ERBB3: variants seen among roughly 807,000 people sequenced by gnomAD.
ERBB3 encodes erb-b2 receptor tyrosine kinase 3.
ERBB3 carries 96 observed loss-of-function variants against 156.7 expected under a neutral mutation model. That is an observed-to-expected ratio of 0.61 (90% confidence interval 0.52 to 0.73). The LOEUF (loss-of-function observed/expected upper bound fraction) is 0.73, where lower values mean the gene tolerates loss of function less well. Ranked by LOEUF, ERBB3 falls within the 30% of genes least tolerant of loss-of-function variation. The probability of loss-of-function intolerance (pLI) is 0.00; values close to 1 mark genes in which losing one functional copy is unlikely to be tolerated. For synonymous variants in ERBB3, 567 were observed against 632.0 expected, an observed-to-expected ratio of 0.90 and a Z score of 1.54; for missense variants, 1,406 against 1,709.4, an observed-to-expected ratio of 0.82 and a Z score of 3.13.
intron 11 of ERBB3, 132 bp from the exon 12 acceptor site, chr12:56,093,213 A>G: frequency 8.8e-7 from 1 of 1,141,298 alleles, no homozygotes. Context: ...CACGAGGAAA[A>G]GGCAAAAGGA....
intron 19 of ERBB3, 82 bp from the exon 20 acceptor site, chr12:56,096,963 G>A (rs186183394): frequency 2.1e-5 from 30 of 1,441,016 alleles, no homozygotes; most frequent in South Asian, 4.6e-5. Context: ...TGTTGGGGGT[G>A]GGGGGGCCTG....
At chr12:56,087,447 G>A in intron 4 of ERBB3, 130 bp from the exon 5 acceptor site, 1 of 836,410 alleles carries the variant, frequency 1.2e-6, no homozygotes, top group Non-Finnish European at 2.1e-6. Context: ...TCCAAGGGCA[G>A]GGAGGGACAC....
At chr12:56,094,046 A>G in intron 13 of ERBB3, 53 bp from the exon 14 acceptor site, 9 of 1,568,524 alleles carry the variant, frequency 5.7e-6, no homozygotes, top group Non-Finnish European at 7.9e-6. Context: ...AGATCGGAGC[A>G]TGAAGGTCAG....
intron 1 of ERBB3, among the ~76,000 whole-genome samples, chr12:56,082,404 C>T (rs1161050897): frequency 3.3e-5 from 5 of 152,132 alleles, no homozygotes; most frequent in African/African-American, 1.2e-4. Context: ...TCATTTCAAC[C>T]CAAGGACCCT....
chr12:56,100,246 GTAA>G lies in ERBB3; in HGVS notation c.3201+2_3201+4del. 1 of 1,612,268 alleles carries G rather than the reference GTAA, an allele frequency of 6.2e-7. No homozygotes were observed. On this transcript the variant is annotated splice_donor_variant and splice_donor_region_variant and intron_variant, in intron 26 of 27. Transcript: ENST00000267101. LOFTEE classifies it high-confidence loss of function. The stretch of plus-strand genomic sequence containing the variant: ...GGGTAATCTTGGGGAGTCTTGCCAG[GTAA>G]GTTCTGTTGCTGAGAGGCTGGGTTT...
At position 56,097,225 on chromosome 12, in the gene ERBB3, G is replaced by A. The variant is rs1351237064; in HGVS notation, c.2455G>A (p.Ala819Thr). The A allele has an allele frequency of 1.2e-6, 2 of 1,614,020 alleles. No individual in the cohort carries two copies. The highest frequency in any genetic ancestry group is 2.2e-5 in the East Asian group (1 of 44,874). Residue 819 changes from alanine (A) to threonine (T), a missense_variant, in exon 20 of 28, where the codon GCC becomes ACC. This residue lies in a region of ERBB3 where 979 missense variants were observed against 1,219.6 expected (regional missense o/e 0.80). Transcript: ENST00000267101. ...QLLLNWGVQI[A>T]KGMYYLEEHG... ...GCTGCTCAACTGGGGAGTACAAATT[G>A]CCAAGGTGAGAGAAGCCTGGAGGAA...
rs368317187 is a variant in ERBB3, at chr12:56,099,948, A to G, written c.3048A>G (p.Glu1016=). The change falls in exon 25 of 28, where the codon GAA becomes GAG. Residue 1016 remains glutamate, a synonymous_variant. Coordinates refer to ENST00000267101, the MANE Select transcript of ERBB3 (RefSeq NM_001982.4). The part of the protein sequence containing the change: ...EPELDLDLDL[E]AEEDNLATTT... ...AACTAGACCTAGACCTAGACTTGGA[A>G]GCAGAGGAGGACAACCTGGCAACCA... The G allele has an allele frequency of 1.2e-6, 2 of 1,614,256 alleles. No homozygotes were observed. Among genetic ancestry groups the G allele is most frequent in the South Asian group, 2.2e-5 (2 of 91,088 alleles).
Position 56,102,110 on chromosome 12 carries a change from G to A in ERBB3, c.*55G>A, listed in dbSNP as rs1159023849. 1.3e-6 allele frequency: 2 copies of A among 1,498,946 alleles called. No individual in the cohort carries two copies. The highest frequency in any genetic ancestry group is 1.7e-5 in the Admixed American group (1 of 59,850). The allele number at this position is 1,498,946 out of a possible 1,614,324, so 92.9% of individuals were successfully genotyped here. A position where few individuals can be genotyped will look rare whatever the true frequency, so the allele number is the denominator to read the frequency against. ...TTTAATGGCAGCTAGTGCCTTTAGA[G>A]GGTACCGTCTTCTCCCTATTCCCTC... On this transcript the variant is annotated 3_prime_UTR_variant, in exon 28 of 28. Transcript: ENST00000267101.
chr12:56,092,020 G>A (rs1048159395), intron 9 of ERBB3, among the ~76,000 whole-genome samples: 2 of 149,980 alleles, frequency 1.3e-5, no homozygotes, highest in African/African-American at 4.9e-5. Context: ...GTTACAGTGA[G>A]CTATGATGGC....
chr12:56,086,360 ACTC>A (rs1430177799), intron 3 of ERBB3, among the ~76,000 whole-genome samples, 168 bp from the exon 4 acceptor site: 1 of 151,474 alleles, frequency 6.6e-6, no homozygotes, highest in African/African-American at 2.4e-5. Flanking sequence ...TTTTGGCCTG[ACTC>A]CTCATCTTAT....
Position 56,080,208 on chromosome 12 carries a change from T to C in ERBB3, c.-93T>C. ...TGCCGTCGCCGCAGCAGCCACCAAT[T>C]CGCCAGCGGTTCAGGTGGCTCTTGC... On this transcript the variant is annotated 5_prime_UTR_variant, in exon 1 of 28. Coordinates refer to ENST00000267101, the MANE Select transcript of ERBB3 (RefSeq NM_001982.4). 1 of 1,016,284 alleles carries C rather than the reference T, an allele frequency of 9.8e-7. No homozygotes were observed. The highest frequency in any genetic ancestry group is 1.4e-5 in the South Asian group (1 of 73,666). 63.0% of individuals were successfully genotyped at this position (1,016,284 alleles called of 1,614,324 possible). A position where few individuals can be genotyped will look rare whatever the true frequency, so the allele number is the denominator to read the frequency against.
intron 9 of ERBB3, 35 bp downstream of exon 9, chr12:56,088,903 C>G (rs761520381): frequency 1.2e-6 from 2 of 1,613,434 alleles, no homozygotes; most frequent in South Asian, 2.2e-5. Context: ...TAGACCCCAG[C>G]CCACGCACCC....
At chr12:56,088,226 G>C in intron 7 of ERBB3, 64 bp downstream of exon 7, 2 of 1,567,570 alleles carry the variant, frequency 1.3e-6, no homozygotes, top group South Asian at 2.2e-5. Flanking sequence ...AGACAAAATT[G>C]TGGAAGGGAA....
At chr12:56,095,840 C>CT (rs746054406) in intron 17 of ERBB3, 34 bp downstream of exon 17, 61 of 1,613,088 alleles carry the variant, frequency 3.8e-5, no homozygotes, top group Non-Finnish European at 5.0e-5. Context: ...TTTTTCTTTT[C>CT]TTTTTTTGCA....
chr12:56,082,427 TCCTCTGGAACTA>T, intron 1 of ERBB3, among the ~76,000 whole-genome samples: 1 of 152,230 alleles, frequency 6.6e-6, no homozygotes, highest in East Asian at 1.9e-4. Context: ...AGTTCCCAGC[TCCTCTGGAACTA>T]GCTCTCTTTG....
intron 21 of ERBB3, 88 bp downstream of exon 21, chr12:56,098,028 A>G (rs991620074): frequency 7.5e-7 from 1 of 1,340,970 alleles, no homozygotes; most frequent in Non-Finnish European, 1.1e-6. Context: ...AGGCAAGCAG[A>G]TGCTTCATGG....
chr12:56,087,869 G>C lies in ERBB3; in HGVS notation c.688G>C (p.Glu230Gln). 1 of 1,614,198 alleles carries C rather than the reference G, an allele frequency of 6.2e-7. No homozygotes were observed. Among genetic ancestry groups the C allele is most frequent in the Non-Finnish European group, 8.5e-7 (1 of 1,180,034 alleles). ...GPNPNQCCHDECAGGCSGPQD... is the reference protein window; with the variant it reads ...GPNPNQCCHDQCAGGCSGPQD... ...CAACCCCAACCAGTGCTGCCATGAT[G>C]AGTGTGCCGGGGGCTGCTCAGGCCC... The change falls in exon 6 of 28, where the codon GAG (glutamate) becomes CAG (glutamine). Residue 230 changes from glutamate (E) to glutamine (Q), a missense_variant. This residue lies in a region of ERBB3 where 979 missense variants were observed against 1,219.6 expected (regional missense o/e 0.80). Transcript: ENST00000267101.
chr12:56,093,597 G>A (rs2136810480), intron 12 of ERBB3, 47 bp downstream of exon 12: 1 of 1,584,928 alleles, frequency 6.3e-7, no homozygotes. Flanking sequence ...AGTCAGGGAG[G>A]AGAGGGCTGA....
At chr12:56,089,494 TC>T (rs963328081) in intron 9 of ERBB3, among the ~76,000 whole-genome samples, 1 of 152,052 alleles carries the variant, frequency 6.6e-6, no homozygotes, top group African/African-American at 2.4e-5. Flanking sequence ...ATGCCTATAA[TC>T]CCAGCACTTT....
Sources: allele counts gnomAD v4.1 joint callset (sites outside exome capture counted in the v4.1 genomes callset), GRCh38; gene constraint gnomAD v4.1.1; regional missense constraint gnomAD v4.1.1; transcripts MANE v1.5; gene names NCBI Gene and HGNC (gene_info 2026-07-23, HGNC 2026-07-21).